The following LRP1B variants were observed in gnomAD, a reference collection of about 807,000 sequenced individuals.
LRP1B encodes the protein LDL receptor related protein 1B.
LRP1B carries 217 observed loss-of-function variants against 556.6 expected under a neutral mutation model. That is an observed-to-expected ratio of 0.39 (90% confidence interval 0.35 to 0.44). The LOEUF is 0.44. Among genes scored for constraint, LRP1B ranks in the 20% least tolerant of loss-of-function variants. The pLI, the probability that LRP1B is intolerant of heterozygous loss-of-function variation, is 1.00. For missense variants in LRP1B, 5,053 were observed against 5,620.8 expected (o/e 0.90, Z 3.23); for synonymous variants, 2,047 against 1,865.8 (o/e 1.10, Z -2.50).
intron 2 of LRP1B, among the ~76,000 whole-genome samples, chr2:141,787,968 C>G (rs568251950): frequency 5.3e-5 from 8 of 152,014 alleles, no homozygotes; most frequent in African/African-American, 1.7e-4. Flanking sequence ...GGAACACTCT[C>G]AAAAATGTAT....
intron 57 of LRP1B, among the ~76,000 whole-genome samples, chr2:140,490,544 G>A (rs770775256): frequency 6.6e-6 from 1 of 151,992 alleles, no homozygotes; most frequent in Admixed American, 6.6e-5. Flanking sequence ...CAAGGATATT[G>A]TCTTTTCATT....
chr2:140,472,790 T>G (rs1342924489), intron 60 of LRP1B, among the ~76,000 whole-genome samples: 6 of 152,096 alleles, frequency 3.9e-5, no homozygotes, highest in Admixed American at 3.9e-4. Context: ...GTCCAAGGTC[T>G]AACTTTAAAA....
intron 41 of LRP1B, among the ~76,000 whole-genome samples, chr2:140,687,492 C>G (rs953004076): frequency 6.6e-6 from 1 of 151,770 alleles, no homozygotes; most frequent in South Asian, 2.1e-4. Flanking sequence ...TAATTATGTC[C>G]CTCTTAAAGT....
chr2:141,659,421 T>C (rs1690129774), intron 2 of LRP1B, among the ~76,000 whole-genome samples: 1 of 152,164 alleles, frequency 6.6e-6, no homozygotes, highest in Non-Finnish European at 1.5e-5. Context: ...TGTGTCTTTA[T>C]TGGCACAAAA....
At chr2:141,905,116 A>T (rs749135842) in intron 1 of LRP1B, among the ~76,000 whole-genome samples, 1 of 151,910 alleles carries the variant, frequency 6.6e-6, no homozygotes, top group Non-Finnish European at 1.5e-5. Flanking sequence ...AAGATGGATG[A>T]TATTAAGGTA....
At chr2:140,397,361 C>T (rs1684299766) in intron 66 of LRP1B, among the ~76,000 whole-genome samples, 1 of 152,066 alleles carries the variant, frequency 6.6e-6, no homozygotes, top group African/African-American at 2.4e-5. Flanking sequence ...TCCCCAACTC[C>T]CAACAGGCTC....
chr2:140,844,904 A>G (rs1317638610), intron 29 of LRP1B, among the ~76,000 whole-genome samples: 5 of 152,178 alleles, frequency 3.3e-5, no homozygotes, highest in Non-Finnish European at 4.4e-5. Flanking sequence ...ATAGAGACAA[A>G]TACTTGTGCT....
At chr2:141,277,261 G>A (rs971920754) in intron 3 of LRP1B, among the ~76,000 whole-genome samples, 1 of 152,168 alleles carries the variant, frequency 6.6e-6, no homozygotes, top group African/African-American at 2.4e-5. Context: ...CACCAGCAGT[G>A]TATAAGCATT....
At chr2:141,373,017 C>A (rs1179301941) in intron 3 of LRP1B, among the ~76,000 whole-genome samples, 1 of 152,012 alleles carries the variant, frequency 6.6e-6, no homozygotes, top group Non-Finnish European at 1.5e-5. Context: ...ATAAACTTAG[C>A]ACTAGGTTTT....
intron 1 of LRP1B, among the ~76,000 whole-genome samples, chr2:141,865,535 C>T (rs867071566): frequency 2.7e-4 from 37 of 135,754 alleles, no homozygotes; most frequent in South Asian, 4.6e-4. Flanking sequence ...GAGCTTGCAG[C>T]GAGCCGAGAT....
Position 140,813,680 on chromosome 2 carries a change from TTTG to T in LRP1B, c.5333_5335del (p.Thr1778del). On this transcript the variant is annotated inframe_deletion, in exon 32 of 91. Coordinates refer to ENST00000389484, the MANE Select transcript of LRP1B (RefSeq NM_018557.3). ...ACCCATGATGGTTAGGGCTGTAGCT[TTTG>T]TTAATTCTTCTTTCATTGACTCGAT... The T allele has an allele frequency of 6.2e-7, 1 of 1,613,666 alleles. No individual in the cohort carries two copies. Among genetic ancestry groups the T allele is most frequent in the Non-Finnish European group, 8.5e-7 (1 of 1,179,714 alleles).
chr2:141,191,707 C>A (rs894575521), intron 6 of LRP1B, among the ~76,000 whole-genome samples: 3 of 147,424 alleles, frequency 2.0e-5, no homozygotes, highest in Non-Finnish European at 3.0e-5. Flanking sequence ...AGTCCATTAA[C>A]CAGGGCTTTA....
At chr2:141,191,080 C>T (rs560488308) in intron 6 of LRP1B, among the ~76,000 whole-genome samples, 28 of 152,032 alleles carry the variant, frequency 1.8e-4, no homozygotes, top group African/African-American at 6.7e-4. Flanking sequence ...CTAAATGCCC[C>T]ATTTACTATT....
At chr2:141,787,430 T>C (rs192200669) in intron 2 of LRP1B, among the ~76,000 whole-genome samples, 7 of 152,030 alleles carry the variant, frequency 4.6e-5, no homozygotes, top group Admixed American at 2.0e-4. Flanking sequence ...GCTACTGATA[T>C]ATGCAATCAC....
intron 2 of LRP1B, among the ~76,000 whole-genome samples, chr2:141,746,846 T>A (rs1419543008): frequency 2.0e-5 from 3 of 152,172 alleles, no homozygotes; most frequent in Non-Finnish European, 4.4e-5. Flanking sequence ...ACCTATGTGG[T>A]ATTAATATCC....
At chr2:140,701,911 A>T (rs1686659127) in intron 39 of LRP1B, 66 bp from the exon 40 acceptor site, 1 of 1,591,666 alleles carries the variant, frequency 6.3e-7, no homozygotes, top group African/African-American at 1.3e-5. Flanking sequence ...CAGTTACTTA[A>T]GCTGAAGATA....
At chr2:140,974,635 G>C (rs1242342759) in intron 18 of LRP1B, among the ~76,000 whole-genome samples, 1 of 152,214 alleles carries the variant, frequency 6.6e-6, no homozygotes, top group Non-Finnish European at 1.5e-5. Context: ...GAGAGACAGA[G>C]AAACAAAATG....
intron 43 of LRP1B, among the ~76,000 whole-genome samples, chr2:140,545,691 T>C (rs1018859048): frequency 2.0e-5 from 3 of 152,088 alleles, no homozygotes; most frequent in African/African-American, 7.2e-5. Context: ...TGTAGCCCTG[T>C]AGTACAGTTT....
chr2:140,961,043 T>C (rs1002973060), intron 18 of LRP1B, among the ~76,000 whole-genome samples: 1 of 151,908 alleles, frequency 6.6e-6, no homozygotes, highest in African/African-American at 2.4e-5. Context: ...AACACTGTAT[T>C]TGGTGGTTTT....
Sources: allele counts gnomAD v4.1 joint callset (sites outside exome capture counted in the v4.1 genomes callset), GRCh38; gene constraint gnomAD v4.1.1; transcripts MANE v1.5; gene names NCBI Gene and HGNC (gene_info 2026-07-23, HGNC 2026-07-21).